The following CCDC149 variants were observed in gnomAD, a reference collection of about 807,000 sequenced individuals.
The protein encoded by CCDC149 is coiled-coil domain-containing protein 149.
In CCDC149, 45 loss-of-function variants were observed where a neutral mutation model predicts 59.9. The observed-to-expected ratio is 0.75, with a 90% CI of 0.59 to 0.96. The LOEUF (loss-of-function observed/expected upper bound fraction) is 0.96. CCDC149 is among the 40% of genes least tolerant of loss of function. The probability of loss-of-function intolerance (pLI) is 0.00; values close to 1 mark genes in which losing one functional copy is unlikely to be tolerated. For missense variants in CCDC149, 584 were observed against 664.7 expected (o/e 0.88, Z 1.33); for synonymous variants, 245 against 260.6 (o/e 0.94, Z 0.58).
intron 3 of CCDC149, among the ~76,000 whole-genome samples, chr4:24,872,180 A>G (rs1183529534): frequency 2.6e-5 from 4 of 152,252 alleles, no homozygotes; most frequent in Non-Finnish European, 5.9e-5. Flanking sequence ...AGAGTTAAGA[A>G]GCAGATCCAC....
At chr4:24,903,870 G>A (rs895606723) in intron 1 of CCDC149, among the ~76,000 whole-genome samples, 1 of 151,540 alleles carries the variant, frequency 6.6e-6, no homozygotes, top group Non-Finnish European at 1.5e-5. Flanking sequence ...GCACGGTCTG[G>A]GCTCACTGCA....
intron 1 of CCDC149, among the ~76,000 whole-genome samples, chr4:24,891,321 C>T (rs1463667279): frequency 1.3e-5 from 2 of 152,178 alleles, no homozygotes; most frequent in African/African-American, 4.8e-5. Flanking sequence ...AAGGTGGGGA[C>T]TCCATCCAGG....
chr4:24,962,200 C>A (rs1481523181), intron 1 of CCDC149, among the ~76,000 whole-genome samples: 1 of 152,048 alleles, frequency 6.6e-6, no homozygotes, highest in Non-Finnish European at 1.5e-5. Flanking sequence ...GCCAAAAGAC[C>A]CATGAAAAAA....
In CCDC149 at chr4:24,903,024, CA is replaced by C. The variant is rs10646050; in HGVS notation, c.63+9792del. Among the ~76,000 whole-genome samples, 22 of 52,500 alleles carry C rather than the reference CA, an allele frequency of 4.2e-4. No individual in the cohort carries two copies. In the East Asian group the frequency reaches 5.7e-3, roughly 14 times the overall value. 34.4% of individuals were successfully genotyped at this position (52,500 alleles called of 152,430 possible). On this transcript the variant is annotated intron_variant, in intron 1 of 12. Coordinates refer to ENST00000635206, the MANE Select transcript of CCDC149 (RefSeq NM_001330643.2). Reference sequence around the variant, plus strand: ...TGGGCAACAGAGTGAGAGTCTAACTCAAAAAAAAAAAAAAAAAAAAAAAGAG... The same window carrying C: ...TGGGCAACAGAGTGAGAGTCTAACTCAAAAAAAAAAAAAAAAAAAAAAGAG...
intron 1 of CCDC149, among the ~76,000 whole-genome samples, chr4:24,896,000 C>T (rs1438454267): frequency 6.6e-6 from 1 of 152,246 alleles, no homozygotes; most frequent in Non-Finnish European, 1.5e-5. Flanking sequence ...TTGCAGCATG[C>T]AAGGGCTGCC....
chr4:24,887,884 C>T (rs1308685485), intron 1 of CCDC149, among the ~76,000 whole-genome samples: 2 of 152,122 alleles, frequency 1.3e-5, no homozygotes, highest in Non-Finnish European at 2.9e-5. Flanking sequence ...CCCACCTCTC[C>T]AACTTCATCA....
intron 8 of CCDC149, among the ~76,000 whole-genome samples, chr4:24,834,534 A>C (rs1180807586): frequency 1.3e-5 from 2 of 152,144 alleles, no homozygotes; most frequent in East Asian, 3.8e-4. Context: ...GTCAAAACGC[A>C]CCCTTGGAGA....
rs75021240 is a variant in CCDC149, at chr4:24,906,400, A to ATTTTATTTTATTTTATTTTATTTTG, written c.63+6416_63+6417insCAAAATAAAATAAAATAAAATAAAA. Among the ~76,000 whole-genome samples the ATTTTATTTTATTTTATTTTATTTTG allele has an allele frequency of 4.6e-3, 181 of 38,946 alleles. 7 individuals carry two copies. In the East Asian group the frequency reaches 0.15, roughly 31 times the overall value. The allele number at this position is 38,946 out of a possible 152,430, so 25.6% of individuals were successfully genotyped here. Reference sequence around the variant, plus strand: ...ATTTTATTTTATTTTATTTTATTTTATTTTATTTTACTTTATTTGAGACAG... The same window carrying ATTTTATTTTATTTTATTTTATTTTG: ...ATTTTATTTTATTTTATTTTATTTTATTTTATTTTATTTTATTTTATTTTGTTTTATTTTACTTTATTTGAGACAG... On this transcript the variant is annotated intron_variant, in intron 1 of 12. Coordinates refer to ENST00000635206, the MANE Select transcript of CCDC149 (RefSeq NM_001330643.2).
chr4:24,831,696 A>C, intron 8 of CCDC149, 46 bp from the exon 9 acceptor site: 1 of 1,569,720 alleles, frequency 6.4e-7, no homozygotes, highest in Non-Finnish European at 8.7e-7. Context: ...TTCTTCTGAA[A>C]CGCTGGAATG....
chr4:24,841,314 A>G (rs12510049), intron 4 of CCDC149, among the ~76,000 whole-genome samples: 28,584 of 152,224 alleles, frequency 0.19, 2,868 homozygotes, highest in Admixed American at 0.23. Flanking sequence ...TTCACTGAGC[A>G]CTTAATTTAG....
At chr4:24,810,948 A>C (rs916152181) in intron 12 of CCDC149, among the ~76,000 whole-genome samples, 1 of 152,242 alleles carries the variant, frequency 6.6e-6, no homozygotes, top group East Asian at 1.9e-4. Flanking sequence ...CATTGTTCTT[A>C]GATACTCACT....
At chr4:24,978,971 C>T (rs531940446) in intron 1 of CCDC149, among the ~76,000 whole-genome samples, 19 of 152,120 alleles carry the variant, frequency 1.2e-4, no homozygotes, top group Admixed American at 3.9e-4. Context: ...TGAGTTACCC[C>T]GAAAAGGAGA....
In CCDC149 at chr4:24,828,553, G is replaced by A. The variant is rs180706696; in HGVS notation, c.965+2953C>T. On this transcript the variant is annotated intron_variant, in intron 9 of 12. Coordinates refer to ENST00000635206, the MANE Select transcript of CCDC149 (RefSeq NM_001330643.2). ...AGCACTTTGGGAGGTCGAGGTGGGC[G>A]GATGACTTCAGGTCAAGAGTTTGAG... The A allele has an allele frequency of 1.5e-4, 23 of 152,128 alleles. No individual in the cohort carries two copies. In the East Asian group the frequency reaches 2.7e-3, roughly 18 times the overall value. The allele number at this position is 152,128 out of a possible 1,614,324, so 9.4% of individuals were successfully genotyped here.
At chr4:24,896,293 C>T (rs1720841703) in intron 1 of CCDC149, among the ~76,000 whole-genome samples, 1 of 152,202 alleles carries the variant, frequency 6.6e-6, no homozygotes, top group Non-Finnish European at 1.5e-5. Context: ...AAGGTGACTA[C>T]ATCCTGGTGG....
chr4:24,904,978 T>C (rs926347966), intron 1 of CCDC149, among the ~76,000 whole-genome samples: 5 of 152,198 alleles, frequency 3.3e-5, no homozygotes, highest in African/African-American at 1.2e-4. Flanking sequence ...CTCAGCTCAC[T>C]GCAACCTCCG....
At chr4:24,840,663 G>A (rs762802176) in intron 4 of CCDC149, among the ~76,000 whole-genome samples, 1 of 152,060 alleles carries the variant, frequency 6.6e-6, no homozygotes, top group African/African-American at 2.4e-5. Flanking sequence ...TGGCCCCCAC[G>A]CATAGTGCCA....
At chr4:24,954,280 C>A (rs1723399468) in intron 1 of CCDC149, among the ~76,000 whole-genome samples, 1 of 152,126 alleles carries the variant, frequency 6.6e-6, no homozygotes, top group Non-Finnish European at 1.5e-5. Flanking sequence ...GCATTGAAGT[C>A]ATATGCTTGC....
intron 1 of CCDC149, among the ~76,000 whole-genome samples, chr4:24,918,089 C>T (rs955690374): frequency 2.0e-5 from 3 of 152,090 alleles, no homozygotes; most frequent in African/African-American, 7.2e-5. Context: ...GGATCACCTA[C>T]ATTGCCCTCC....
intron 12 of CCDC149, 97 bp from the exon 13 acceptor site, chr4:24,808,916 G>C: frequency 8.3e-7 from 1 of 1,199,856 alleles, no homozygotes; most frequent in Non-Finnish European, 1.1e-6. Context: ...CCAGCACAGG[G>C]CCTCTGAAAA....
Sources: allele counts gnomAD v4.1 joint callset (sites outside exome capture counted in the v4.1 genomes callset), GRCh38; gene constraint gnomAD v4.1.1; transcripts MANE v1.5; gene names NCBI Gene and HGNC (gene_info 2026-07-23, HGNC 2026-07-21).